KCNK2: variants seen among roughly 807,000 people sequenced by gnomAD.
The protein encoded by KCNK2 is potassium channel subfamily K member 2.
KCNK2 carries 21 observed loss-of-function variants against 40.5 expected under a neutral mutation model. That is an observed-to-expected ratio of 0.52 (90% CI 0.37 to 0.75). The LOEUF is 0.75. Among genes scored for constraint, KCNK2 ranks in the 30% least tolerant of loss-of-function variants. The pLI is 0.00. For missense variants in KCNK2, 399 were observed against 531.6 expected, an observed-to-expected ratio of 0.75 and a Z score of 2.45; for synonymous variants, 191 against 202.2, an observed-to-expected ratio of 0.94 and a Z score of 0.47.
intron 1 of KCNK2, among the ~76,000 whole-genome samples, chr1:215,061,615 G>C (rs1048349155): frequency 6.6e-6 from 1 of 152,094 alleles, no homozygotes; most frequent in African/African-American, 2.4e-5. Flanking sequence ...CTGATAGTCT[G>C]TCAAGTATGC....
chr1:215,165,596 T>C (rs1415879996), intron 3 of KCNK2, among the ~76,000 whole-genome samples: 1 of 152,176 alleles, frequency 6.6e-6, no homozygotes, highest in African/African-American at 2.4e-5. Flanking sequence ...TGAGCACATA[T>C]AGTATAATAG....
chr1:215,131,763 G>C (rs1467303166), intron 3 of KCNK2, among the ~76,000 whole-genome samples: 2 of 151,918 alleles, frequency 1.3e-5, no homozygotes, highest in African/African-American at 4.8e-5. Flanking sequence ...TTTTTCCTTA[G>C]AGCAACATTT....
intron 2 of KCNK2, among the ~76,000 whole-genome samples, chr1:215,116,436 C>G (rs1398209690): frequency 6.6e-6 from 1 of 151,920 alleles, no homozygotes; most frequent in African/African-American, 2.4e-5. Flanking sequence ...ACCCAAATAC[C>G]CAGCAGTATG....
At chr1:215,039,622 C>T (rs898239663) in intron 1 of KCNK2, among the ~76,000 whole-genome samples, 1 of 152,098 alleles carries the variant, frequency 6.6e-6, no homozygotes, top group Non-Finnish European at 1.5e-5. Context: ...CACTTTATGA[C>T]TTCAGAATAC....
chr1:215,135,448 TTTA>T (rs1325796585), intron 3 of KCNK2, among the ~76,000 whole-genome samples: 8 of 152,234 alleles, frequency 5.3e-5, no homozygotes, highest in Non-Finnish European at 1.2e-4. Flanking sequence ...TTGACTAATT[TTTA>T]TTATTTTATT....
chr1:215,120,607 G>A (rs748865055), intron 2 of KCNK2, among the ~76,000 whole-genome samples: 2 of 152,042 alleles, frequency 1.3e-5, no homozygotes, highest in African/African-American at 2.4e-5. Flanking sequence ...TTGTGTGCAC[G>A]TGAATCTGTG....
In KCNK2 at chr1:215,124,664, T is replaced by G; in HGVS notation, c.389T>G (p.Ile130Arg). 6.2e-7 allele frequency: 1 copy of G among 1,612,424 alleles called. No homozygotes were observed. Among genetic ancestry groups the G allele is most frequent in the Non-Finnish European group, 8.5e-7 (1 of 1,178,512 alleles). ...GTGGCAGCAATAAATGCAGGGATTA[T>G]ACCGTTAGGAAACACCTCCAATCAA... is the stretch of plus-strand genomic sequence containing the variant. The part of the protein sequence containing the change: ...QIVAAINAGI[I>R]PLGNTSNQIS... Residue 130 changes from isoleucine (I) to arginine (R), a missense_variant, in exon 3 of 7, where the codon ATA becomes AGA. This residue lies in a region of KCNK2 where 279 missense variants were observed against 353.8 expected (regional missense o/e 0.79). Transcript: ENST00000444842.
intron 1 of KCNK2, among the ~76,000 whole-genome samples, chr1:215,032,039 C>T (rs1285418975): frequency 1.3e-5 from 2 of 151,700 alleles, no homozygotes; most frequent in East Asian, 1.9e-4. Flanking sequence ...CATACACAAT[C>T]GAGTACAGTA....
intron 2 of KCNK2, among the ~76,000 whole-genome samples, chr1:215,124,274 G>T (rs933178026): frequency 2.0e-5 from 3 of 152,058 alleles, no homozygotes; most frequent in Non-Finnish European, 4.4e-5. Context: ...TGTAACTATA[G>T]TTTGCAACCT....
intron 3 of KCNK2, among the ~76,000 whole-genome samples, chr1:215,141,344 G>A (rs1662164595): frequency 1.3e-5 from 2 of 152,060 alleles, no homozygotes; most frequent in African/African-American, 4.8e-5. Context: ...TTTATATAAT[G>A]AGAAGTGCAG....
At position 215,007,145 on chromosome 1, in the gene KCNK2, GTATATATATATGTA is replaced by G. The variant is rs1293438660; in HGVS notation, c.34+1192_34+1205del. Among the ~76,000 whole-genome samples, 54 of 116,546 alleles carry G rather than the reference GTATATATATATGTA, an allele frequency of 4.6e-4. 1 individual carries two copies. Among genetic ancestry groups the G allele is most frequent in the African/African-American group, 9.8e-4 (26 of 26,660 alleles). The allele number at this position is 116,546 out of a possible 152,430, so 76.5% of individuals were successfully genotyped here. On this transcript the variant is annotated intron_variant, in intron 1 of 6. Transcript: ENST00000391895. ...TGTATATATATGTGTATATATATGTGTATATATATATGTATGTATATATATATGTATGTGTGTGG... is the reference window on the plus strand; with the variant it reads ...TGTATATATATGTGTATATATATGTGTGTATATATATATGTATGTGTGTGG...
At chr1:215,118,716 A>C (rs774064570) in intron 2 of KCNK2, among the ~76,000 whole-genome samples, 2 of 152,164 alleles carry the variant, frequency 1.3e-5, no homozygotes, top group Admixed American at 6.6e-5. Flanking sequence ...GTTTTTAAAA[A>C]TGGAGAAAAA....
intron 6 of KCNK2, among the ~76,000 whole-genome samples, chr1:215,202,465 C>G (rs1375537218): frequency 6.6e-6 from 1 of 152,192 alleles, no homozygotes; most frequent in Non-Finnish European, 1.5e-5. Context: ...TGCTTGAAGG[C>G]AGCATTAACT....
At chr1:215,178,377 T>C (rs933089734) in intron 5 of KCNK2, among the ~76,000 whole-genome samples, 1 of 152,110 alleles carries the variant, frequency 6.6e-6, no homozygotes, top group Admixed American at 6.6e-5. Flanking sequence ...TGCTATGGCA[T>C]GGACTCCCAG....
intron 1 of KCNK2, among the ~76,000 whole-genome samples, chr1:215,085,709 C>G (rs557454004): frequency 3.3e-5 from 5 of 152,256 alleles, no homozygotes; most frequent in African/African-American, 1.2e-4. Context: ...GATTGAAAAA[C>G]AAAATACAGA....
chr1:215,217,059 G>C (rs1259393966), intron 6 of KCNK2, among the ~76,000 whole-genome samples: 3 of 152,190 alleles, frequency 2.0e-5, no homozygotes, highest in Non-Finnish European at 2.9e-5. Context: ...TGACATAAAT[G>C]TATCAATACA....
chr1:215,179,075 G>A (rs1402118173), intron 5 of KCNK2, among the ~76,000 whole-genome samples: 1 of 151,766 alleles, frequency 6.6e-6, no homozygotes, highest in Non-Finnish European at 1.5e-5. Flanking sequence ...TTCTGATTCA[G>A]TCTTGGGAGA....
At chr1:215,044,472 G>T (rs1428445298) in intron 1 of KCNK2, among the ~76,000 whole-genome samples, 2 of 151,216 alleles carry the variant, frequency 1.3e-5, no homozygotes, top group East Asian at 3.9e-4. Context: ...GGATTTGCAT[G>T]TTAGTTCTCT....
chr1:215,031,034 G>A (rs12088528), intron 1 of KCNK2, among the ~76,000 whole-genome samples: 1,955 of 151,958 alleles, frequency 0.013, 39 homozygotes, highest in African/African-American at 0.044. Flanking sequence ...TTGCTTCATC[G>A]TCGAAGAACT....
Sources: gnomAD v4.1 joint callset for allele counts (sites outside exome capture counted in the v4.1 genomes callset) on GRCh38, gnomAD v4.1.1 for gene constraint, gnomAD v4.1.1 regional missense constraint, MANE v1.5 for transcripts, NCBI Gene and HGNC (gene_info 2026-07-23, HGNC 2026-07-21) for gene names.